Variants in FBXL7 observed in about 807,000 individuals in gnomAD.
FBXL7 encodes F-box and leucine rich repeat protein 7.
In FBXL7, 12 loss-of-function variants were observed where a neutral mutation model predicts 38.3. The ratio of observed to expected loss-of-function variants is 0.31; its 90% CI spans 0.20 to 0.51. FBXL7 has a LOEUF of 0.51. Among genes scored for constraint, FBXL7 ranks in the 20% least tolerant of loss-of-function variants. The pLI is 0.98. For missense variants in FBXL7, 567 were observed against 676.4 expected, an observed-to-expected ratio of 0.84 and a Z score of 1.79; for synonymous variants, 297 against 300.9, an observed-to-expected ratio of 0.99 and a Z score of 0.13.
chr5:15,596,480 T>C (rs1019571144), intron 1 of FBXL7, among the ~76,000 whole-genome samples: 1 of 152,138 alleles, frequency 6.6e-6, no homozygotes, highest in African/African-American at 2.4e-5. Flanking sequence ...CTGGGTAACA[T>C]AGTGGGACCC....
At chr5:15,684,996 C>A (rs912064292) in intron 2 of FBXL7, among the ~76,000 whole-genome samples, 2 of 152,024 alleles carry the variant, frequency 1.3e-5, no homozygotes, top group Admixed American at 1.3e-4. Flanking sequence ...ATATTCCATT[C>A]GTAGGACTAA....
intron 2 of FBXL7, among the ~76,000 whole-genome samples, chr5:15,726,691 A>AAAATAAATAAAT (rs55752648): frequency 0.12 from 16,992 of 141,196 alleles, 1,214 homozygotes; most frequent in African/African-American, 0.19. Flanking sequence ...ACTCCATCTC[A>AAAATAAATAAAT]AAATAAATAA....
intron 1 of FBXL7, among the ~76,000 whole-genome samples, chr5:15,517,319 A>G (rs1027668833): frequency 1.3e-5 from 2 of 152,220 alleles, no homozygotes; most frequent in East Asian, 3.8e-4. Context: ...GTGGGTAGAA[A>G]CTAATAAAGT....
intron 1 of FBXL7, among the ~76,000 whole-genome samples, chr5:15,523,413 G>A (rs945917606): frequency 6.6e-6 from 1 of 152,100 alleles, no homozygotes; most frequent in Non-Finnish European, 1.5e-5. Context: ...AAAAAAATTA[G>A]CTGGGTGTGG....
At chr5:15,893,856 G>A (rs1446368266) in intron 2 of FBXL7, among the ~76,000 whole-genome samples, 4 of 152,090 alleles carry the variant, frequency 2.6e-5, no homozygotes, top group African/African-American at 7.2e-5. Context: ...CAATGCATAC[G>A]CCTGGTAAAC....
At chr5:15,851,850 A>ACG (rs113175311) in intron 2 of FBXL7, among the ~76,000 whole-genome samples, 18,801 of 142,280 alleles carry the variant, frequency 0.13, 3,480 homozygotes, top group Middle Eastern at 0.25. Context: ...ACACACACAC[A>ACG]AAGTTCCTTG....
intron 2 of FBXL7, among the ~76,000 whole-genome samples, chr5:15,720,550 GTTTAAATTGTATCTAATTTTGCA>G: frequency 6.7e-6 from 1 of 148,678 alleles, no homozygotes; most frequent in African/African-American, 2.5e-5. Context: ...AACTTTATGT[GTTTAAATTGTATCTAATTTTGCA>G]TTTATACCTA....
At chr5:15,502,347 C>T (rs1736518925) in intron 1 of FBXL7, among the ~76,000 whole-genome samples, 2 of 148,758 alleles carry the variant, frequency 1.3e-5, no homozygotes, top group South Asian at 2.2e-4. Context: ...TGGTATATGA[C>T]GACTTCCTGT....
chr5:15,518,324 C>T (rs996255651), intron 1 of FBXL7, among the ~76,000 whole-genome samples: 13 of 152,140 alleles, frequency 8.5e-5, no homozygotes, highest in Non-Finnish European at 1.2e-4. Context: ...TCATACTAGA[C>T]TCACCAGAAG....
chr5:15,846,636 G>T (rs770864453), intron 2 of FBXL7, among the ~76,000 whole-genome samples: 14 of 152,188 alleles, frequency 9.2e-5, no homozygotes, highest in Non-Finnish European at 1.9e-4. Flanking sequence ...TATACAGGTT[G>T]TTGGCTGCTT....
At chr5:15,502,043 C>T (rs545640917) in intron 1 of FBXL7, among the ~76,000 whole-genome samples, 2 of 151,424 alleles carry the variant, frequency 1.3e-5, no homozygotes, top group Admixed American at 6.6e-5. Flanking sequence ...CTCCCCAAAA[C>T]GTCTTAGAGT....
At chr5:15,596,507 A>G (rs2126487417) in intron 1 of FBXL7, among the ~76,000 whole-genome samples, 1 of 152,338 alleles carries the variant, frequency 6.6e-6, no homozygotes, top group East Asian at 1.9e-4. Flanking sequence ...CACAAAAATA[A>G]GTAAGAATTT....
At chr5:15,603,644 T>C (rs1029062709) in intron 1 of FBXL7, among the ~76,000 whole-genome samples, 10 of 152,240 alleles carry the variant, frequency 6.6e-5, no homozygotes, top group Non-Finnish European at 1.2e-4. Flanking sequence ...GTTATAGACA[T>C]GGGTATTTTT....
intron 2 of FBXL7, among the ~76,000 whole-genome samples, chr5:15,869,312 TG>T (rs1205537712): frequency 6.6e-6 from 1 of 152,184 alleles, no homozygotes; most frequent in Non-Finnish European, 1.5e-5. Flanking sequence ...AGCAGGCATT[TG>T]GGGGAGCCTT....
chr5:15,509,402 G>A (rs900552114), intron 1 of FBXL7, among the ~76,000 whole-genome samples: 1 of 152,152 alleles, frequency 6.6e-6, no homozygotes, highest in Non-Finnish European at 1.5e-5. Flanking sequence ...TAGGCATGGA[G>A]GCCAGTGATT....
intron 2 of FBXL7, among the ~76,000 whole-genome samples, chr5:15,624,401 A>C (rs1483128729): frequency 6.6e-6 from 1 of 152,206 alleles, no homozygotes; most frequent in Non-Finnish European, 1.5e-5. Context: ...TTGTCCTGAG[A>C]ATCCTCGCCT....
intron 2 of FBXL7, among the ~76,000 whole-genome samples, chr5:15,621,836 A>T (rs1740655549): frequency 6.6e-6 from 1 of 152,246 alleles, no homozygotes; most frequent in Non-Finnish European, 1.5e-5. Context: ...ATCAAACCAG[A>T]CAACAATGCA....
chr5:15,737,292 C>A (rs1036043468), intron 2 of FBXL7, among the ~76,000 whole-genome samples: 5 of 152,148 alleles, frequency 3.3e-5, no homozygotes, highest in Non-Finnish European at 7.4e-5. Flanking sequence ...TCCTTGAAAG[C>A]GTGCAGCATG....
intron 2 of FBXL7, among the ~76,000 whole-genome samples, chr5:15,797,367 G>C (rs748231896): frequency 2.6e-5 from 4 of 152,214 alleles, no homozygotes; most frequent in Non-Finnish European, 4.4e-5. Context: ...TGTGACACCT[G>C]TTTCTGCCTG....
Sources: gnomAD v4.1 joint callset for allele counts (sites outside exome capture counted in the v4.1 genomes callset) on GRCh38, gnomAD v4.1.1 for gene constraint, MANE v1.5 for transcripts, NCBI Gene and HGNC (gene_info 2026-07-23, HGNC 2026-07-21) for gene names.